The following ZNF385D variants were observed in gnomAD, a reference collection of about 807,000 sequenced individuals.
ZNF385D encodes zinc finger protein 659.
In ZNF385D, 15 loss-of-function variants were observed where a neutral mutation model predicts 35.8. The ratio of observed to expected loss-of-function variants is 0.42; its 90% confidence interval spans 0.28 to 0.64. ZNF385D has a LOEUF of 0.64. Ranked by LOEUF, ZNF385D falls within the 30% of genes least tolerant of loss-of-function variation. The pLI is 0.23. For missense variants in ZNF385D, 474 were observed against 494.6 expected (o/e 0.96, Z 0.39); for synonymous variants, 212 against 186.8 (o/e 1.13, Z -1.10).
intron 3 of ZNF385D, among the ~76,000 whole-genome samples, chr3:21,861,239 G>A (rs184098130): frequency 6.6e-6 from 1 of 152,224 alleles, no homozygotes; most frequent in African/African-American, 2.4e-5. Flanking sequence ...TCGTGCCATA[G>A]TCCAGGTGTT....
At chr3:22,043,715 T>C (rs1248702114) in intron 3 of ZNF385D, among the ~76,000 whole-genome samples, 1 of 152,048 alleles carries the variant, frequency 6.6e-6, no homozygotes, top group East Asian at 1.9e-4. Context: ...CCTCACCTCA[T>C]TGACTGTGGC....
intron 2 of ZNF385D, among the ~76,000 whole-genome samples, chr3:22,222,334 A>C (rs1284295141): frequency 1.3e-5 from 2 of 152,196 alleles, no homozygotes; most frequent in African/African-American, 4.8e-5. Context: ...ATTTCAAAAA[A>C]AGAAAAAAAA....
chr3:21,484,764 T>C (rs1704904214), intron 4 of ZNF385D, among the ~76,000 whole-genome samples: 1 of 152,136 alleles, frequency 6.6e-6, no homozygotes, highest in African/African-American at 2.4e-5. Flanking sequence ...ACAGTGGGTA[T>C]AATCAAAAGA....
chr3:21,852,511 A>T (rs1396021367), intron 3 of ZNF385D, among the ~76,000 whole-genome samples: 1 of 151,944 alleles, frequency 6.6e-6, no homozygotes, highest in East Asian at 1.9e-4. Flanking sequence ...AATCAGGAAC[A>T]CGATGAATAT....
intron 3 of ZNF385D, among the ~76,000 whole-genome samples, chr3:22,105,052 A>G (rs59778637): frequency 0.26 from 38,923 of 152,062 alleles, 5,353 homozygotes; most frequent in Non-Finnish European, 0.27. Flanking sequence ...CTGTTTGAAT[A>G]ATTTTAAAAT....
chr3:21,822,732 T>C (rs1253045264), intron 3 of ZNF385D, among the ~76,000 whole-genome samples: 1 of 152,086 alleles, frequency 6.6e-6, no homozygotes, highest in African/African-American at 2.4e-5. Flanking sequence ...ACTTATAGAT[T>C]GGAACATAGC....
intron 3 of ZNF385D, among the ~76,000 whole-genome samples, chr3:21,907,808 A>C (rs796953477): frequency 3.9e-5 from 6 of 152,144 alleles, no homozygotes; most frequent in Admixed American, 3.3e-4. Flanking sequence ...GATTGTTCAC[A>C]TCACTGCACC....
intron 2 of ZNF385D, among the ~76,000 whole-genome samples, chr3:22,257,777 C>T (rs527616904): frequency 6.8e-4 from 104 of 151,910 alleles, no homozygotes; most frequent in Non-Finnish European, 1.2e-3. Flanking sequence ...ACTGTTGTTA[C>T]AGTGGCTTTG....
At chr3:21,607,943 T>C (rs1178186742) in intron 2 of ZNF385D, among the ~76,000 whole-genome samples, 4 of 152,068 alleles carry the variant, frequency 2.6e-5, no homozygotes, top group Non-Finnish European at 5.9e-5. Context: ...ATTTATATAA[T>C]CAAATCTGAA....
intron 3 of ZNF385D, among the ~76,000 whole-genome samples, chr3:21,812,915 C>G (rs2072992869): frequency 6.6e-6 from 1 of 152,184 alleles, no homozygotes; most frequent in African/African-American, 2.4e-5. Flanking sequence ...TCCCTGACCC[C>G]TGAGTAGCCC....
intron 3 of ZNF385D, among the ~76,000 whole-genome samples, chr3:21,927,763 C>T (rs1272967783): frequency 6.6e-6 from 1 of 152,100 alleles, no homozygotes; most frequent in Non-Finnish European, 1.5e-5. Context: ...AACTAGGGGA[C>T]ATTTTATTAG....
At chr3:22,179,357 G>C (rs770187732) in intron 2 of ZNF385D, among the ~76,000 whole-genome samples, 38 of 152,192 alleles carry the variant, frequency 2.5e-4, no homozygotes, top group Non-Finnish European at 4.9e-4. Flanking sequence ...ATTGTGAATG[G>C]GAGTTCACTC....
intron 4 of ZNF385D, among the ~76,000 whole-genome samples, chr3:21,473,228 T>G (rs1704016239): frequency 6.6e-6 from 1 of 152,032 alleles, no homozygotes; most frequent in South Asian, 2.1e-4. Flanking sequence ...CCTGTCTGCT[T>G]GAAGGTCATG....
At chr3:22,238,906 T>C (rs944600401) in intron 2 of ZNF385D, among the ~76,000 whole-genome samples, 11 of 150,164 alleles carry the variant, frequency 7.3e-5, no homozygotes, top group Non-Finnish European at 1.5e-4. Context: ...ATTTTTTCTT[T>C]TGCAGAGACA....
At chr3:21,778,400 GA>G (rs2071372140) in intron 3 of ZNF385D, among the ~76,000 whole-genome samples, 1 of 151,902 alleles carries the variant, frequency 6.6e-6, no homozygotes, top group East Asian at 1.9e-4. Flanking sequence ...GAGCCTGAGC[GA>G]AAGGTGGCAC....
rs71044967 is a variant in ZNF385D, at chr3:22,030,256, C to CATATATAT, written c.325+138553_325+138560dup. ...CAAGTTAATACTTAATAAACTCATT[C>CATATATAT]ATATATATATATATATATATATATA... On this transcript the variant is annotated intron_variant, in intron 3 of 5. Coordinates refer to the ZNF385D transcript ENST00000494108. Among the ~76,000 whole-genome samples the CATATATAT allele has an allele frequency of 9.1e-3, 197 of 21,704 alleles. 20 individuals are homozygous for CATATATAT. The highest frequency in any genetic ancestry group is 0.013 in the Non-Finnish European group (143 of 11,134). The allele number at this position is 21,704 out of a possible 152,430, so 14.2% of individuals were successfully genotyped here.
chr3:22,095,959 T>G (rs1701599195), intron 3 of ZNF385D, among the ~76,000 whole-genome samples: 1 of 151,968 alleles, frequency 6.6e-6, no homozygotes, highest in South Asian at 2.1e-4. Context: ...GATACATTTT[T>G]TAAAATGATT....
At chr3:21,636,414 A>ATATATATATAT (rs56114816) in intron 2 of ZNF385D, among the ~76,000 whole-genome samples, 1,589 of 64,310 alleles carry the variant, frequency 0.025, 97 homozygotes, top group East Asian at 0.048. Flanking sequence ...ATATATATAT[A>ATATATATATAT]GAGTTTCTTA....
chr3:22,173,545 C>A (rs1040588484), intron 2 of ZNF385D, among the ~76,000 whole-genome samples: 3 of 152,182 alleles, frequency 2.0e-5, no homozygotes, highest in African/African-American at 4.8e-5. Context: ...AAAACAGGAA[C>A]CTCTTGAGAA....
Sources: allele counts gnomAD v4.1 joint callset (sites outside exome capture counted in the v4.1 genomes callset), GRCh38; gene constraint gnomAD v4.1.1; transcripts MANE v1.5; gene names NCBI Gene and HGNC (gene_info 2026-07-23, HGNC 2026-07-21).